The following ZNF148 variants were observed in gnomAD, a reference collection of about 807,000 sequenced individuals.
The protein encoded by ZNF148 is zinc finger protein 148, also known as Beta-Enolase Repressor Factor-1.
In ZNF148, 7 loss-of-function variants were observed where a neutral mutation model predicts 67.7. The observed-to-expected ratio is 0.10, with a 90% CI of 0.06 to 0.19. ZNF148 has a LOEUF of 0.19. ZNF148 is among the 10% of genes least tolerant of loss of function. The pLI is 1.00. For missense variants in ZNF148, 583 were observed against 947.1 expected, an observed-to-expected ratio of 0.62 and a Z score of 5.05; for synonymous variants, 333 against 330.7, an observed-to-expected ratio of 1.01 and a Z score of -0.08.
chr3:125,266,451 A>C (rs1225505094), intron 7 of ZNF148, among the ~76,000 whole-genome samples: 1 of 152,192 alleles, frequency 6.6e-6, no homozygotes, highest in Non-Finnish European at 1.5e-5. Context: ...CTAGAAACTA[A>C]ACAACTTGCT....
chr3:125,302,857 G>C (rs557819379), intron 4 of ZNF148, among the ~76,000 whole-genome samples: 1 of 152,196 alleles, frequency 6.6e-6, no homozygotes, highest in African/African-American at 2.4e-5. Context: ...TAGGGGTATG[G>C]TAGGGTATTT....
intron 1 of ZNF148, among the ~76,000 whole-genome samples, chr3:125,370,854 A>C (rs577114378): frequency 1.1e-4 from 16 of 152,288 alleles, no homozygotes; most frequent in Non-Finnish European, 1.8e-4. Context: ...CATCACCATA[A>C]GGTAAACCTC....
Position 125,246,306 on chromosome 3 carries a change from G to T in ZNF148, c.668-11977C>A, listed in dbSNP as rs147453360. Among the ~76,000 whole-genome samples, 288 of 151,804 alleles carry T rather than the reference G, an allele frequency of 1.9e-3. 1 individual carries two copies. Among genetic ancestry groups the T allele is most frequent in the African/African-American group, 6.4e-3 (263 of 41,380 alleles). On this transcript the variant is annotated intron_variant, in intron 7 of 8. Coordinates refer to ENST00000360647, the MANE Select transcript of ZNF148 (RefSeq NM_021964.3). ...CATCCATATTTAATAAATTACAAAG[G>T]GTAGACAATAAAATTTTCAAGCATC...
intron 1 of ZNF148, among the ~76,000 whole-genome samples, chr3:125,358,418 T>G (rs1466152846): frequency 6.6e-6 from 1 of 152,226 alleles, no homozygotes; most frequent in Non-Finnish European, 1.5e-5. Context: ...TATCAGCTCC[T>G]ACCAAATCAA....
chr3:125,299,702 C>T (rs750064801), intron 4 of ZNF148, among the ~76,000 whole-genome samples: 1 of 152,080 alleles, frequency 6.6e-6, no homozygotes, highest in East Asian at 1.9e-4. Context: ...CATCTACTTG[C>T]CTGTTGAGTT....
At chr3:125,305,644 T>C (rs1939834711) in intron 4 of ZNF148, among the ~76,000 whole-genome samples, 1 of 151,834 alleles carries the variant, frequency 6.6e-6, no homozygotes, top group African/African-American at 2.4e-5. Flanking sequence ...AGACTCTGTC[T>C]CTACAAAAAA....
At chr3:125,369,680 A>C (rs937456066) in intron 1 of ZNF148, among the ~76,000 whole-genome samples, 3 of 152,118 alleles carry the variant, frequency 2.0e-5, no homozygotes, top group Non-Finnish European at 2.9e-5. Context: ...TTATACCATT[A>C]CTGAATTATT....
At chr3:125,345,509 T>C (rs185626793) in intron 1 of ZNF148, among the ~76,000 whole-genome samples, 7 of 151,560 alleles carry the variant, frequency 4.6e-5, no homozygotes, top group Admixed American at 4.6e-4. Flanking sequence ...GAAGGAATTA[T>C]TAAAAGAAGA....
intron 7 of ZNF148, among the ~76,000 whole-genome samples, chr3:125,263,185 T>C (rs4679163): frequency 0.78 from 118,249 of 152,216 alleles, 46,543 homozygotes; most frequent in African/African-American, 0.87. Context: ...TGCACAGAGA[T>C]GAATTCTTTA....
chr3:125,255,533 C>T (rs1937037355), intron 7 of ZNF148, among the ~76,000 whole-genome samples: 1 of 152,076 alleles, frequency 6.6e-6, no homozygotes, highest in South Asian at 2.1e-4. Context: ...AGGCATAAGC[C>T]ACCATGCCTG....
At chr3:125,291,685 T>C (rs976662087) in intron 4 of ZNF148, among the ~76,000 whole-genome samples, 3 of 152,170 alleles carry the variant, frequency 2.0e-5, no homozygotes, top group African/African-American at 7.2e-5. Flanking sequence ...TGTAAGTTCT[T>C]GTGGACCAAA....
intron 4 of ZNF148, among the ~76,000 whole-genome samples, chr3:125,306,569 G>A (rs1939889171): frequency 6.6e-6 from 1 of 152,110 alleles, no homozygotes; most frequent in Non-Finnish European, 1.5e-5. Context: ...AGTATGAATA[G>A]CCTACTTATG....
At chr3:125,237,244 A>G (rs957765055) in intron 7 of ZNF148, among the ~76,000 whole-genome samples, 3 of 152,150 alleles carry the variant, frequency 2.0e-5, no homozygotes, top group African/African-American at 7.2e-5. Context: ...ATTACAGGCA[A>G]TGTTGTTGGA....
intron 4 of ZNF148, among the ~76,000 whole-genome samples, chr3:125,288,581 G>C (rs956590737): frequency 6.6e-6 from 1 of 151,652 alleles, no homozygotes; most frequent in Non-Finnish European, 1.5e-5. Context: ...AGTTAAAAGC[G>C]CACAAAAAAG....
intron 1 of ZNF148, among the ~76,000 whole-genome samples, chr3:125,362,635 A>G (rs1942580603): frequency 6.6e-6 from 1 of 151,490 alleles, no homozygotes; most frequent in Non-Finnish European, 1.5e-5. Flanking sequence ...GCTCACTGCA[A>G]CCTCCGCCTC....
intron 7 of ZNF148, among the ~76,000 whole-genome samples, chr3:125,268,237 C>CAAAAA (rs58334196): frequency 2.2e-5 from 3 of 136,654 alleles, no homozygotes; most frequent in African/African-American, 8.1e-5. Flanking sequence ...TATATAGAAC[C>CAAAAA]AAAAAAAAAA....
At chr3:125,341,469 A>G (rs1307287829) in intron 1 of ZNF148, among the ~76,000 whole-genome samples, 1 of 152,134 alleles carries the variant, frequency 6.6e-6, no homozygotes, top group Admixed American at 6.5e-5. Context: ...AAAAATTTAC[A>G]AATTAACTGG....
At chr3:125,269,197 GT>G (rs1937611358) in intron 7 of ZNF148, among the ~76,000 whole-genome samples, 1 of 113,238 alleles carries the variant, frequency 8.8e-6, no homozygotes, top group Non-Finnish European at 1.7e-5. Flanking sequence ...GTGAAGCCCG[GT>G]CTCTACCAAA....
At chr3:125,283,230 A>G (rs1938484096) in intron 5 of ZNF148, among the ~76,000 whole-genome samples, 1 of 152,152 alleles carries the variant, frequency 6.6e-6, no homozygotes. Context: ...GGTCATCGTT[A>G]ATAACCTACT....
Sources: gnomAD v4.1 joint callset for allele counts (sites outside exome capture counted in the v4.1 genomes callset) on GRCh38, gnomAD v4.1.1 for gene constraint, MANE v1.5 for transcripts, NCBI Gene and HGNC (gene_info 2026-07-23, HGNC 2026-07-21) for gene names.